The following SLC9B2 variants were observed in gnomAD, a reference collection of about 807,000 sequenced individuals.
SLC9B2 encodes sodium/hydrogen exchanger 9B2.
Under a neutral mutation model 52.2 loss-of-function variants are expected in SLC9B2, and 39 were observed. The ratio of observed to expected loss-of-function variants is 0.75; its 90% CI spans 0.58 to 0.98. SLC9B2 has a LOEUF of 0.98. Among genes scored for constraint, SLC9B2 ranks in the 50% least tolerant of loss-of-function variants. The pLI is 0.00. For missense variants in SLC9B2, 626 were observed against 637.5 expected (o/e 0.98, Z 0.19); for synonymous variants, 214 against 227.0 (o/e 0.94, Z 0.51).
At chr4:103,019,334 C>T (rs1259785367), downstream of SLC9B2, among the ~76,000 whole-genome samples, 3 of 151,904 alleles carry the variant, frequency 2.0e-5, no homozygotes, top group African/African-American at 7.3e-5. Flanking sequence ...TTCTTACTGG[C>T]GAGTATTTGT....
intron 1 of SLC9B2, among the ~76,000 whole-genome samples, chr4:103,068,417 C>T (rs1307253044): frequency 6.6e-6 from 1 of 152,126 alleles, no homozygotes; most frequent in Non-Finnish European, 1.5e-5. Context: ...TTGGGGGAGG[C>T]CTTTAGAAGA....
rs1742050231 is a variant in SLC9B2, at chr4:103,024,639, C to A, written c.*1731G>T. Among the ~76,000 whole-genome samples, 1 of 152,164 alleles carries A rather than the reference C, an allele frequency of 6.6e-6. No individual in the cohort carries two copies. Among genetic ancestry groups the A allele is most frequent in the South Asian group, 2.1e-4 (1 of 4,828 alleles). ...TCATCTAATACATATTTAATATCTA[C>A]TTCAAGATTAAAATGAACTTTGAAT... On this transcript the variant is annotated 3_prime_UTR_variant, in exon 12 of 12. Transcript: ENST00000394785.
downstream of SLC9B2, among the ~76,000 whole-genome samples, chr4:103,018,301 C>T: frequency 6.6e-6 from 1 of 152,158 alleles, no homozygotes; most frequent in East Asian, 1.9e-4. Context: ...AGTATAAATT[C>T]TGGTACTCTA....
At position 103,023,451 on chromosome 4, in the gene SLC9B2, C is replaced by T. The variant is rs1319965419; in HGVS notation, c.*2919G>A. Among the ~76,000 whole-genome samples, 2 of 152,160 alleles carry T rather than the reference C, an allele frequency of 1.3e-5. No homozygotes were observed. The highest frequency in any genetic ancestry group is 2.4e-5 in the African/African-American group (1 of 41,426). On this transcript the variant is annotated 3_prime_UTR_variant, in exon 12 of 12. Transcript: ENST00000394785. ...TCTATCAGGTTAACCCTAAGTTCAC[C>T]AACCAAGTCAAGAGATGTGGCTTTC...
chr4:103,026,536 A>G lies in SLC9B2; in HGVS notation c.1448T>C (p.Leu483Ser), dbSNP rs201314838. The change falls in exon 12 of 12, where the codon TTA (leucine) becomes TCA (serine). Residue 483 changes from leucine (L) to serine (S), a missense_variant. Transcript: ENST00000394785. ...DTARSHGEKQ[L>S]EDYGMDVLTV... Reference sequence around the variant, plus strand: ...CAACACATCCATTCCATAGTCTTCTAATTGTTTCTCTCCATGTGACCTTGC... The same window carrying G: ...CAACACATCCATTCCATAGTCTTCTGATTGTTTCTCTCCATGTGACCTTGC... 6.2e-7 allele frequency: 1 copy of G among 1,613,824 alleles called. No homozygotes were observed. The highest frequency in any genetic ancestry group is 1.3e-5 in the African/African-American group (1 of 74,916).
downstream of SLC9B2, chr4:103,020,391 T>C (rs1479351099): frequency 2.3e-6 from 1 of 427,542 alleles, no homozygotes; most frequent in Admixed American, 3.0e-5. Flanking sequence ...CCGCGCTTCC[T>C]ATAAAAGACA....
intron 5 of SLC9B2, 106 bp downstream of exon 5, chr4:103,050,134 G>T: frequency 1.0e-6 from 1 of 977,658 alleles, no homozygotes; most frequent in Non-Finnish European, 1.4e-6. Context: ...AGAATGTCAT[G>T]CAAAGTGTCC....
At chr4:103,067,214 T>C (rs1746214612) in intron 2 of SLC9B2, among the ~76,000 whole-genome samples, 1 of 152,140 alleles carries the variant, frequency 6.6e-6, no homozygotes, top group Admixed American at 6.5e-5. Flanking sequence ...TCACATTCAT[T>C]AATCTACTTG....
chr4:103,072,250 G>A lies in SLC9B2; in HGVS notation c.-43+3934C>T, dbSNP rs551322217. Among the ~76,000 whole-genome samples, 4 of 151,922 alleles carry A rather than the reference G, an allele frequency of 2.6e-5. No individual in the cohort carries two copies. The East Asian group carries it at 7.8e-4, about 29-fold the overall frequency. On this transcript the variant is annotated intron_variant, in intron 1 of 11. Coordinates refer to ENST00000394785, the MANE Select transcript of SLC9B2 (RefSeq NM_178833.7). The stretch of plus-strand genomic sequence containing the variant: ...CTTTTTCTATTTTTAGTAGAGATGG[G>A]GTTTCACCATGTTGGCCAGGCTGGT...
At chr4:103,039,716 G>A (rs1429862782) in intron 9 of SLC9B2, among the ~76,000 whole-genome samples, 2 of 144,982 alleles carry the variant, frequency 1.4e-5, no homozygotes, top group African/African-American at 5.2e-5. Flanking sequence ...GGTGTGATCT[G>A]GGCTCACTGC....
At chr4:103,072,301 C>T (rs932110106) in intron 1 of SLC9B2, among the ~76,000 whole-genome samples, 3 of 152,266 alleles carry the variant, frequency 2.0e-5, no homozygotes, top group Middle Eastern at 6.8e-3. Context: ...TCATGATCTG[C>T]CCGCCTTGGC....
intron 3 of SLC9B2, among the ~76,000 whole-genome samples, chr4:103,061,591 A>G (rs1745647053): frequency 6.6e-6 from 1 of 152,148 alleles, no homozygotes; most frequent in South Asian, 2.1e-4. Flanking sequence ...GCACACCAAC[A>G]TGGCACATGT....
At chr4:103,049,964 G>C (rs1744518472) in intron 5 of SLC9B2, among the ~76,000 whole-genome samples, 1 of 150,140 alleles carries the variant, frequency 6.7e-6, no homozygotes, top group South Asian at 2.1e-4. Context: ...AGTGAGCTGA[G>C]ATCAAGCCGC....
intron 3 of SLC9B2, among the ~76,000 whole-genome samples, chr4:103,065,180 G>GCGCA (rs139804362): frequency 4.8e-5 from 7 of 145,072 alleles, no homozygotes; most frequent in South Asian, 2.2e-4. Context: ...GTACACACAC[G>GCGCA]CACACACACA....
At chr4:103,019,378 CAA>C (rs1163867382), downstream of SLC9B2, among the ~76,000 whole-genome samples, 11 of 152,236 alleles carry the variant, frequency 7.2e-5, no homozygotes, top group East Asian at 1.4e-3. Flanking sequence ...AGAGAACAAA[CAA>C]GAGAGATGTG....
chr4:103,072,284 C>G (rs1200789638), intron 1 of SLC9B2, among the ~76,000 whole-genome samples: 3 of 152,066 alleles, frequency 2.0e-5, no homozygotes, highest in Non-Finnish European at 4.4e-5. Flanking sequence ...GTCTCAAACT[C>G]CTGACCTCAT....
At chr4:103,063,675 A>G (rs1745859982) in intron 3 of SLC9B2, among the ~76,000 whole-genome samples, 1 of 152,332 alleles carries the variant, frequency 6.6e-6, no homozygotes, top group South Asian at 2.1e-4. Context: ...AATATAGGCA[A>G]CAAAAGCAAG....
chr4:103,061,276 T>G (rs902617815), intron 3 of SLC9B2, among the ~76,000 whole-genome samples: 1 of 152,138 alleles, frequency 6.6e-6, no homozygotes, highest in African/African-American at 2.4e-5. Context: ...CCAACAATGA[T>G]AGACTGGATT....
intron 4 of SLC9B2, among the ~76,000 whole-genome samples, chr4:103,056,136 G>A (rs1052039925): frequency 6.6e-6 from 1 of 151,960 alleles, no homozygotes; most frequent in Non-Finnish European, 1.5e-5. Flanking sequence ...AAACGTTAAA[G>A]GTATCACACC....
Sources: allele counts gnomAD v4.1 joint callset (sites outside exome capture counted in the v4.1 genomes callset), GRCh38; gene constraint gnomAD v4.1.1; transcripts MANE v1.5; gene names NCBI Gene and HGNC (gene_info 2026-07-23, HGNC 2026-07-21).